The following RBFOX1 variants were observed in gnomAD, a reference collection of about 807,000 sequenced individuals.
RBFOX1 encodes the protein RNA binding protein fox-1 homolog 1.
A neutral mutation model predicts 57.7 loss-of-function variants in RBFOX1; 8 were observed. That is an observed-to-expected ratio of 0.14 (90% CI 0.08 to 0.25). The LOEUF (loss-of-function observed/expected upper bound fraction) is 0.25. Ranked by LOEUF, RBFOX1 falls within the 10% of genes least tolerant of loss-of-function variation. The probability of loss-of-function intolerance (pLI) is 1.00; values close to 1 mark genes in which losing one functional copy is unlikely to be tolerated. For synonymous variants in RBFOX1, 326 were observed against 222.4 expected (o/e 1.47, Z -4.15); for missense variants, 611 against 548.5 (o/e 1.11, Z -1.14).
Position 6,098,635 on chromosome 16 carries a change from C to G in RBFOX1, c.-127+78643C>G, listed in dbSNP as rs144836469. On this transcript the variant is annotated intron_variant, in intron 1 of 15. Transcript: ENST00000550418. Reference sequence around the variant, plus strand: ...GGGCCATGCACATTCTCTGTATTATCTTTCTCTGCATGCCTTCAGAGTTTA... The same window carrying G: ...GGGCCATGCACATTCTCTGTATTATGTTTCTCTGCATGCCTTCAGAGTTTA... Among the ~76,000 whole-genome samples the G allele has an allele frequency of 5.3e-3, 805 of 152,348 alleles. 9 individuals are homozygous for G. Among genetic ancestry groups the G allele is most frequent in the African/African-American group, 0.018 (755 of 41,584 alleles).
At chr16:5,657,821 C>T (rs1462806477) in intron 3 of RBFOX1, among the ~76,000 whole-genome samples, 2 of 149,724 alleles carry the variant, frequency 1.3e-5, no homozygotes, top group African/African-American at 2.5e-5. Context: ...TAACCTTCAC[C>T]TCCCAGTTCA....
At chr16:5,268,963 A>T (rs907137643) in intron 1 of RBFOX1, among the ~76,000 whole-genome samples, 1 of 150,426 alleles carries the variant, frequency 6.6e-6, no homozygotes, top group Non-Finnish European at 1.5e-5. Context: ...CGCCCAGGCT[A>T]GAGTGCAGTG....
intron 3 of RBFOX1, among the ~76,000 whole-genome samples, chr16:5,698,077 C>G (rs1033114981): frequency 6.6e-6 from 1 of 152,064 alleles, no homozygotes; most frequent in African/African-American, 2.4e-5. Flanking sequence ...GATTTTTGGA[C>G]TAAACATTAT....
intron 4 of RBFOX1, among the ~76,000 whole-genome samples, chr16:7,340,550 G>C (rs1230631066): frequency 6.6e-6 from 1 of 152,146 alleles, no homozygotes; most frequent in Middle Eastern, 3.2e-3. Flanking sequence ...ACAACCTAGG[G>C]AAGTCAAGAC....
At chr16:7,232,870 A>AAC (rs2093579987) in intron 4 of RBFOX1, among the ~76,000 whole-genome samples, 1 of 151,288 alleles carries the variant, frequency 6.6e-6, no homozygotes, top group South Asian at 2.1e-4. Context: ...AAAAAAAAAA[A>AAC]AGAATGAGGT....
intron 4 of RBFOX1, among the ~76,000 whole-genome samples, chr16:7,083,432 A>G (rs903136312): frequency 1.3e-5 from 2 of 152,052 alleles, no homozygotes; most frequent in Non-Finnish European, 2.9e-5. Context: ...GGACTCATTT[A>G]GGCTCACAGA....
At chr16:6,816,428 T>G (rs2090081548) in intron 3 of RBFOX1, among the ~76,000 whole-genome samples, 1 of 151,780 alleles carries the variant, frequency 6.6e-6, no homozygotes, top group Admixed American at 6.6e-5. Flanking sequence ...TGTAATTTTT[T>G]TTTTTTTTTT....
intron 4 of RBFOX1, among the ~76,000 whole-genome samples, chr16:5,894,714 A>G (rs1195904962): frequency 6.6e-6 from 1 of 152,326 alleles, no homozygotes; most frequent in Non-Finnish European, 1.5e-5. Context: ...CACAGCAAGA[A>G]GAAGAAACAG....
chr16:5,396,082 T>C (rs2066545078), intron 1 of RBFOX1, among the ~76,000 whole-genome samples: 1 of 152,192 alleles, frequency 6.6e-6, no homozygotes, highest in Non-Finnish European at 1.5e-5. Flanking sequence ...AACTGTGAGA[T>C]AACAAATGTG....
At chr16:5,720,180 G>C (rs566819539) in intron 3 of RBFOX1, among the ~76,000 whole-genome samples, 2 of 152,240 alleles carry the variant, frequency 1.3e-5, no homozygotes, top group South Asian at 4.2e-4. Flanking sequence ...TAATGATATT[G>C]AACATTGTGT....
In RBFOX1 at chr16:5,718,480, A is replaced by T. The variant is rs148459622; in HGVS notation, c.318+119519A>T. Reference sequence around the variant, plus strand: ...TAGCTAACTGATAAACTCTCTTTAGATGTGAGCTCCATGAAGGCTGGGCTA... The same window carrying T: ...TAGCTAACTGATAAACTCTCTTTAGTTGTGAGCTCCATGAAGGCTGGGCTA... On this transcript the variant is annotated intron_variant, in intron 3 of 19. Coordinates refer to the RBFOX1 transcript ENST00000641259. Among the ~76,000 whole-genome samples, 748 of 152,366 alleles carry T rather than the reference A, an allele frequency of 4.9e-3. 4 individuals are homozygous for T. Among genetic ancestry groups the T allele is most frequent in the Middle Eastern group, 6.8e-3 (2 of 294 alleles).
intron 3 of RBFOX1, among the ~76,000 whole-genome samples, chr16:5,711,504 G>T (rs1193839097): frequency 6.6e-6 from 1 of 152,188 alleles, no homozygotes; most frequent in Admixed American, 6.5e-5. Flanking sequence ...GACAGTTGGG[G>T]TGCGATTCAA....
intron 3 of RBFOX1, among the ~76,000 whole-genome samples, chr16:5,859,938 G>C (rs1186522686): frequency 6.6e-6 from 1 of 152,210 alleles, no homozygotes; most frequent in Non-Finnish European, 1.5e-5. Context: ...TGGTCAGGAA[G>C]ACTGGAAGCC....
intron 2 of RBFOX1, chr16:6,573,815 T>C (rs543441751): frequency 6.6e-6 from 1 of 152,228 alleles, no homozygotes; most frequent in African/African-American, 2.4e-5. Context: ...CTGAGCACCG[T>C]GGGGAGGCAG....
At chr16:7,036,054 A>G (rs112633554) in intron 3 of RBFOX1, among the ~76,000 whole-genome samples, 9 of 152,300 alleles carry the variant, frequency 5.9e-5, no homozygotes, top group African/African-American at 1.4e-4. Context: ...GAAATCAGCA[A>G]TAGAAAAGAC....
intron 4 of RBFOX1, among the ~76,000 whole-genome samples, chr16:5,938,839 G>T (rs183398801): frequency 8.5e-5 from 13 of 152,100 alleles, no homozygotes; most frequent in African/African-American, 3.1e-4. Flanking sequence ...AGCCCAAATT[G>T]CTGATTCATT....
intron 1 of RBFOX1, chr16:5,240,181 G>A (rs1217955034): frequency 2.6e-5 from 26 of 1,013,718 alleles, no homozygotes; most frequent in Middle Eastern, 3.0e-4. Context: ...GGGGCTGCGG[G>A]AGGCTCCGTG....
At chr16:6,813,875 C>A (rs77783589) in intron 3 of RBFOX1, among the ~76,000 whole-genome samples, 3,302 of 152,198 alleles carry the variant, frequency 0.022, 122 homozygotes, top group African/African-American at 0.074. Flanking sequence ...CAGCCAGCCC[C>A]TTGTTAGGTA....
At position 5,704,385 on chromosome 16, in the gene RBFOX1, G is replaced by A. The variant is rs559010000; in HGVS notation, c.318+105424G>A. Among the ~76,000 whole-genome samples, 8 of 152,210 alleles carry A rather than the reference G, an allele frequency of 5.3e-5. No individual in the cohort carries two copies. The East Asian group carries it at 1.6e-3, about 29-fold the overall frequency. On this transcript the variant is annotated intron_variant, in intron 3 of 19. Transcript: ENST00000641259. ...AGTAGCACACAGAGGGGCCCTGGGG[G>A]TCTGGGGGTCGCCACAACTCACAGG...
Sources: allele counts gnomAD v4.1 joint callset (sites outside exome capture counted in the v4.1 genomes callset), GRCh38; gene constraint gnomAD v4.1.1; transcripts MANE v1.5; gene names NCBI Gene and HGNC (gene_info 2026-07-23, HGNC 2026-07-21).